Variants in DAPK1 observed in about 807,000 individuals in gnomAD.
DAPK1 encodes the protein death-associated protein kinase 1.
Under a neutral mutation model 144.9 loss-of-function variants are expected in DAPK1, and 56 were observed. The observed-to-expected ratio is 0.39, with a 90% CI of 0.31 to 0.48. The LOEUF (loss-of-function observed/expected upper bound fraction) is 0.48, where lower values mean the gene tolerates loss of function less well. DAPK1 is among the 20% of genes least tolerant of loss of function. The pLI, the probability that DAPK1 is intolerant of heterozygous loss-of-function variation, is 0.95. For missense variants in DAPK1, 1,454 were observed against 1,875.4 expected (o/e 0.78, Z 4.15); for synonymous variants, 690 against 749.0 (o/e 0.92, Z 1.29).
intron 2 of DAPK1, among the ~76,000 whole-genome samples, chr9:87,586,974 A>G (rs1402060129): frequency 1.3e-5 from 2 of 152,278 alleles, no homozygotes; most frequent in Non-Finnish European, 2.9e-5. Context: ...CCACCTGTCC[A>G]GTGAGCGTTT....
chr9:87,685,142 CT>C (rs996486372), intron 20 of DAPK1, among the ~76,000 whole-genome samples: 5 of 152,170 alleles, frequency 3.3e-5, no homozygotes, highest in African/African-American at 1.2e-4. Context: ...CATCATTTTG[CT>C]TTTGTTTTCT....
rs1450277580 is a variant in DAPK1 at position 87,640,573 on chromosome 9, A to G, written c.782+123A>G. The G allele has an allele frequency of 5.0e-6, 6 of 1,199,506 alleles. No individual in the cohort carries two copies. In the East Asian group the frequency reaches 1.2e-4, roughly 24 times the overall value. The allele number at this position is 1,199,506 out of a possible 1,614,324, so 74.3% of individuals were successfully genotyped here. A position where few individuals can be genotyped will look rare whatever the true frequency, so the allele number is the denominator to read the frequency against. ...CTTGCTTCATCTGCCAAAGGGCAGCATGCCATGTGAAACGCTTCAGAAAAT... is the reference window on the plus strand; with the variant it reads ...CTTGCTTCATCTGCCAAAGGGCAGCGTGCCATGTGAAACGCTTCAGAAAAT... On this transcript the variant is annotated intron_variant, in intron 8 of 25. Coordinates refer to ENST00000408954, the MANE Select transcript of DAPK1 (RefSeq NM_004938.4).
intron 2 of DAPK1, among the ~76,000 whole-genome samples, chr9:87,584,690 G>A (rs1827879935): frequency 6.7e-6 from 1 of 148,330 alleles, no homozygotes; most frequent in African/African-American, 2.5e-5. Context: ...GTGTGTGTGT[G>A]TTTGAGATGG....
In DAPK1 at chr9:87,499,005, G is replaced by T; in HGVS notation, c.-73G>T. 8.0e-7 allele frequency: 1 copy of T among 1,242,636 alleles called. No homozygotes were observed. The highest frequency in any genetic ancestry group is 1.2e-6 in the Non-Finnish European group (1 of 843,852). The allele number at this position is 1,242,636 out of a possible 1,614,324, so 77.0% of individuals were successfully genotyped here. On this transcript the variant is annotated 5_prime_UTR_variant, in exon 2 of 26. Transcript: ENST00000408954. ...TGATGCATGAGGGGGCTACGGAGGC[G>T]CAGGAGCGGTGGTGATGGTCTGGGA...
intron 3 of DAPK1, among the ~76,000 whole-genome samples, chr9:87,620,811 C>G (rs2119039223): frequency 6.6e-6 from 1 of 152,264 alleles, no homozygotes; most frequent in South Asian, 2.1e-4. Context: ...GCTCTCCCTG[C>G]TTGGTTTACT....
At chr9:87,704,980 A>G (rs962740402) in intron 25 of DAPK1, among the ~76,000 whole-genome samples, 3 of 151,568 alleles carry the variant, frequency 2.0e-5, no homozygotes, top group African/African-American at 7.3e-5. Context: ...AATAAACACA[A>G]CCAAAAAGCT....
At chr9:87,519,849 T>C (rs977340866) in intron 2 of DAPK1, among the ~76,000 whole-genome samples, 5 of 152,026 alleles carry the variant, frequency 3.3e-5, no homozygotes, top group African/African-American at 4.8e-5. Flanking sequence ...AGGGAAGCCA[T>C]GGGATGCTGA....
intron 21 of DAPK1, among the ~76,000 whole-genome samples, chr9:87,694,639 T>C (rs532085548): frequency 3.4e-4 from 52 of 152,238 alleles, no homozygotes; most frequent in African/African-American, 1.1e-3. Context: ...ATTCTGTCCT[T>C]GGGGCAGATG....
At chr9:87,609,901 T>G (rs1034024067) in intron 3 of DAPK1, among the ~76,000 whole-genome samples, 2 of 152,332 alleles carry the variant, frequency 1.3e-5, no homozygotes, top group African/African-American at 4.8e-5. Flanking sequence ...TGAAAACTTG[T>G]GCCTGTCTCT....
intron 2 of DAPK1, among the ~76,000 whole-genome samples, chr9:87,594,905 A>G (rs1356084518): frequency 6.6e-6 from 1 of 151,982 alleles, no homozygotes; most frequent in Admixed American, 6.6e-5. Flanking sequence ...GTTGGTCCAC[A>G]CCCTTCTAAT....
At chr9:87,517,408 T>A (rs1458708666) in intron 2 of DAPK1, among the ~76,000 whole-genome samples, 1 of 152,112 alleles carries the variant, frequency 6.6e-6, no homozygotes, top group African/African-American at 2.4e-5. Flanking sequence ...ATTGACACAT[T>A]CATCCAGCAC....
At chr9:87,610,524 C>T (rs559740657) in intron 3 of DAPK1, among the ~76,000 whole-genome samples, 70 of 152,386 alleles carry the variant, frequency 4.6e-4, no homozygotes, top group Middle Eastern at 3.4e-3. Flanking sequence ...TTCTAGCTTT[C>T]CATTCCTAAA....
chr9:87,597,879 C>T (rs927161455), intron 2 of DAPK1, among the ~76,000 whole-genome samples: 4 of 152,186 alleles, frequency 2.6e-5, no homozygotes, highest in Non-Finnish European at 5.9e-5. Context: ...CCTTCTTCCA[C>T]TCCTGACTCA....
chr9:87,632,642 A>C (rs1435754503), intron 3 of DAPK1: 1 of 983,386 alleles, frequency 1.0e-6, no homozygotes, highest in African/African-American at 1.8e-5. Flanking sequence ...GTAGGGATGA[A>C]GGAGGATGAG....
rs143392513 is a variant in DAPK1 at position 87,578,712 on chromosome 9, A to T, written c.63-26242A>T. ...ATCCCATTTGCCACTTTGCAGAGCC[A>T]AGTGTTCGTGCCCTTGACCTCTAGC... is the stretch of plus-strand genomic sequence containing the variant. On this transcript the variant is annotated intron_variant, in intron 2 of 25. Coordinates refer to ENST00000408954, the MANE Select transcript of DAPK1 (RefSeq NM_004938.4). Among the ~76,000 whole-genome samples the T allele has an allele frequency of 2.3e-4, 35 of 152,348 alleles. No individual in the cohort carries two copies. The East Asian group carries it at 6.8e-3, about 29-fold the overall frequency.
chr9:87,519,346 G>A (rs1306488735), intron 2 of DAPK1, among the ~76,000 whole-genome samples: 9 of 152,228 alleles, frequency 5.9e-5, no homozygotes, highest in Admixed American at 1.3e-4. Context: ...TGGTATTTCC[G>A]CCCTCTTGGA....
At position 87,522,174 on chromosome 9, in the gene DAPK1, A is replaced by G. The variant is rs916533776; in HGVS notation, c.62+23035A>G. ...GACTAAGACAGTAGTCACCAACAAT[A>G]CTTAACTAGAATGGCCAGTTATGGA... On this transcript the variant is annotated intron_variant, in intron 2 of 25. Transcript: ENST00000408954. Among the ~76,000 whole-genome samples, 10 of 152,284 alleles carry G rather than the reference A, an allele frequency of 6.6e-5. No homozygotes were observed. The South Asian group carries it at 1.5e-3, about 22-fold the overall frequency.
At chr9:87,525,398 C>T (rs759891811) in intron 2 of DAPK1, 105 of 1,611,248 alleles carry the variant, frequency 6.5e-5, no homozygotes, top group East Asian at 4.5e-5. Context: ...CGGTCTGATC[C>T]GGAAATATGG....
rs566162793 is a variant in DAPK1, at chr9:87,525,757, C to T, written c.62+26618C>T. Among the ~76,000 whole-genome samples, 3 of 152,286 alleles carry T rather than the reference C, an allele frequency of 2.0e-5. No individual in the cohort carries two copies. The South Asian group carries it at 6.2e-4, about 32-fold the overall frequency. On this transcript the variant is annotated intron_variant, in intron 2 of 25. Coordinates refer to ENST00000408954, the MANE Select transcript of DAPK1 (RefSeq NM_004938.4). ...GTGGCCGCTCCCAGCTCCTCGCACCCAGCATGGGGCAGGTGCTGAATGTCT... is the reference window on the plus strand; with the variant it reads ...GTGGCCGCTCCCAGCTCCTCGCACCTAGCATGGGGCAGGTGCTGAATGTCT...
Sources: allele counts gnomAD v4.1 joint callset (sites outside exome capture counted in the v4.1 genomes callset), GRCh38; gene constraint gnomAD v4.1.1; transcripts MANE v1.5; gene names NCBI Gene and HGNC (gene_info 2026-07-23, HGNC 2026-07-21).